Variants in MOK observed in about 807,000 individuals in gnomAD.
MOK encodes the protein MOK protein kinase, also known as MAPK/MAK/MRK overlapping kinase.
A neutral mutation model predicts 54.2 loss-of-function variants in MOK; 59 were observed. The ratio of observed to expected loss-of-function variants is 1.09; its 90% CI spans 0.88 to 1.35. The LOEUF (loss-of-function observed/expected upper bound fraction) is 1.35. MOK is among the 40% of genes most tolerant of loss of function. The pLI, the probability that MOK is intolerant of heterozygous loss-of-function variation, is 0.00. For synonymous variants in MOK, 210 were observed against 202.7 expected, an observed-to-expected ratio of 1.04 and a Z score of -0.31; for missense variants, 517 against 526.2, an observed-to-expected ratio of 0.98 and a Z score of 0.17.
chr14:102,304,878 C>G, intron 1 of MOK, 84 bp downstream of exon 1: 1 of 1,475,378 alleles, frequency 6.8e-7, no homozygotes, highest in Non-Finnish European at 9.3e-7. Context: ...CCCACAGGCC[C>G]CTCAAGCTCC....
At chr14:102,301,831 CTAAA>C (rs1392487207) in intron 1 of MOK, among the ~76,000 whole-genome samples, 1 of 152,148 alleles carries the variant, frequency 6.6e-6, no homozygotes, top group African/African-American at 2.4e-5. Flanking sequence ...CCAAACAATA[CTAAA>C]TATACTTTAA....
At chr14:102,226,524 G>A (rs74340408), downstream of MOK, 1,800 of 688,522 alleles carry the variant, frequency 2.6e-3, 27 homozygotes, top group African/African-American at 0.027. This position sits in a 1 kb window ranked among gnomAD's most constrained non-coding sequence, Gnocchi z 4.8. Context: ...CCGGGGCCCC[G>A]GCAGCAGGGC....
intron 1 of MOK, among the ~76,000 whole-genome samples, chr14:102,300,760 C>A (rs1024566165): frequency 6.6e-6 from 1 of 152,134 alleles, no homozygotes; most frequent in African/African-American, 2.4e-5. Flanking sequence ...TTCACTTAAT[C>A]TTTGAAACAA....
chr14:102,239,829 C>T (rs187850594), intron 7 of MOK, among the ~76,000 whole-genome samples: 570 of 152,204 alleles, frequency 3.7e-3, no homozygotes, highest in Middle Eastern at 0.01. Context: ...AGATTGTGCC[C>T]TGCACTCCAG....
At chr14:102,260,734 C>T (rs145658950) in intron 4 of MOK, 2 of 152,210 alleles carry the variant, frequency 1.3e-5, no homozygotes, top group South Asian at 2.1e-4. Context: ...TTTCTACAAT[C>T]GCTGTAGACA....
At chr14:102,219,539 C>T (rs549717619), downstream of MOK, among the ~76,000 whole-genome samples, 26 of 152,338 alleles carry the variant, frequency 1.7e-4, no homozygotes, top group South Asian at 2.9e-3. Flanking sequence ...AACTGGAGGC[C>T]GGGCCCTTTG....
At chr14:102,256,107 T>TTA (rs2066925861) in intron 4 of MOK, among the ~76,000 whole-genome samples, 1 of 151,586 alleles carries the variant, frequency 6.6e-6, no homozygotes, top group Non-Finnish European at 1.5e-5. Context: ...TATTATTATT[T>TTA]TTTTTTTTTG....
At chr14:102,299,944 C>G (rs1052649638) in intron 1 of MOK, among the ~76,000 whole-genome samples, 2 of 152,118 alleles carry the variant, frequency 1.3e-5, no homozygotes, top group Non-Finnish European at 2.9e-5. Flanking sequence ...CAGGACCAGG[C>G]ACAGTGGCTC....
intron 4 of MOK, among the ~76,000 whole-genome samples, chr14:102,261,962 T>C (rs2067509089): frequency 1.3e-5 from 2 of 151,588 alleles, no homozygotes; most frequent in South Asian, 4.2e-4. Context: ...TGCCTCAGCC[T>C]CCCGAGTAGC....
chr14:102,261,422 T>A (rs1354125677), intron 4 of MOK, among the ~76,000 whole-genome samples: 817 of 20,604 alleles, frequency 0.04, 24 homozygotes, highest in Non-Finnish European at 0.054. Flanking sequence ...AAAAAAAATA[T>A]ATATATATAT....
At chr14:102,256,104 A>ATT (rs55845343) in intron 4 of MOK, among the ~76,000 whole-genome samples, 3 of 146,720 alleles carry the variant, frequency 2.0e-5, no homozygotes, top group African/African-American at 7.5e-5. Flanking sequence ...AGTTATTATT[A>ATT]TTTTTTTTTT....
At chr14:102,237,522 C>G (rs1040131197) in intron 7 of MOK, among the ~76,000 whole-genome samples, 1 of 152,156 alleles carries the variant, frequency 6.6e-6, no homozygotes, top group Admixed American at 6.5e-5. Context: ...CCAACTTTGC[C>G]CTCCTAGCTC....
chr14:102,273,030 C>A (rs191185124), intron 2 of MOK, among the ~76,000 whole-genome samples: 7 of 151,982 alleles, frequency 4.6e-5, no homozygotes, highest in African/African-American at 1.7e-4. Flanking sequence ...ATTCGCCAGG[C>A]GTGGTGGCGG....
At chr14:102,256,908 C>T (rs2067007371) in intron 4 of MOK, among the ~76,000 whole-genome samples, 1 of 152,096 alleles carries the variant, frequency 6.6e-6, no homozygotes, top group African/African-American at 2.4e-5. Context: ...AATACACAAA[C>T]TAGGATCGCT....
intron 1 of MOK, among the ~76,000 whole-genome samples, chr14:102,303,239 C>G (rs1423904339): frequency 6.7e-6 from 1 of 148,190 alleles, no homozygotes; most frequent in Non-Finnish European, 1.5e-5. Context: ...AAAACTGCAA[C>G]GAACTGACAT....
intron 1 of MOK, among the ~76,000 whole-genome samples, chr14:102,301,984 T>A (rs1316381355): frequency 6.6e-6 from 1 of 152,062 alleles, no homozygotes; most frequent in Non-Finnish European, 1.5e-5. Flanking sequence ...ACTCCTGACC[T>A]CAAGTGATCA....
chr14:102,262,514 T>A (rs1325261171), intron 4 of MOK, among the ~76,000 whole-genome samples: 1 of 152,256 alleles, frequency 6.6e-6, no homozygotes, highest in Admixed American at 6.5e-5. Context: ...CTATTTGTTT[T>A]GTTAGTAATT....
At chr14:102,227,505 C>T (rs918289823), downstream of MOK, among the ~76,000 whole-genome samples, 2 of 152,214 alleles carry the variant, frequency 1.3e-5, no homozygotes, top group African/African-American at 4.8e-5. Flanking sequence ...CTCAAGGCTG[C>T]ACCAGGGTCT....
chr14:102,292,666 C>T (rs2070895274), intron 1 of MOK, among the ~76,000 whole-genome samples: 1 of 151,876 alleles, frequency 6.6e-6, no homozygotes, highest in Non-Finnish European at 1.5e-5. Context: ...CACTATGCAC[C>T]TTCTCCTCAT....
Sources: gnomAD v4.1 joint callset for allele counts (sites outside exome capture counted in the v4.1 genomes callset) on GRCh38, gnomAD v4.1.1 for gene constraint, Gnocchi (gnomAD v3.1) non-coding constraint, MANE v1.5 for transcripts, NCBI Gene and HGNC (gene_info 2026-07-23, HGNC 2026-07-21) for gene names.